ELOVL7: variants seen among roughly 807,000 people sequenced by gnomAD.
ELOVL7 encodes the protein very long chain fatty acid elongase 7.
ELOVL7 carries 27 observed loss-of-function variants against 35.7 expected under a neutral mutation model. The observed-to-expected ratio is 0.76, with a 90% CI of 0.56 to 1.04. The LOEUF is 1.04. Among genes scored for constraint, ELOVL7 ranks in the 50% least tolerant of loss-of-function variants. The probability of loss-of-function intolerance (pLI) is 0.00; values close to 1 mark genes in which losing one functional copy is unlikely to be tolerated. For missense variants in ELOVL7, 327 were observed against 340.8 expected, an observed-to-expected ratio of 0.96 and a Z score of 0.32; for synonymous variants, 113 against 114.6, an observed-to-expected ratio of 0.99 and a Z score of 0.09.
At chr5:60,757,122 C>A (rs962431929) in intron 8 of ELOVL7, among the ~76,000 whole-genome samples, 2 of 152,050 alleles carry the variant, frequency 1.3e-5, no homozygotes, top group Non-Finnish European at 2.9e-5. Context: ...TATAGGTAAG[C>A]ACACAGGAAG....
chr5:60,838,715 A>G (rs1271714790), intron 1 of ELOVL7, among the ~76,000 whole-genome samples: 2 of 152,164 alleles, frequency 1.3e-5, no homozygotes, highest in African/African-American at 4.8e-5. Context: ...TCTCATTTGA[A>G]TAATAGTCTG....
At chr5:60,800,600 A>T (rs1744551032) in intron 1 of ELOVL7, among the ~76,000 whole-genome samples, 1 of 152,194 alleles carries the variant, frequency 6.6e-6, no homozygotes, top group Non-Finnish European at 1.5e-5. Context: ...GTTTGTTTTA[A>T]AAAATAGAAA....
intron 3 of ELOVL7, 133 bp downstream of exon 3, chr5:60,787,201 C>G: frequency 1.5e-6 from 1 of 667,542 alleles, no homozygotes; most frequent in Non-Finnish European, 2.5e-6. Flanking sequence ...TGTGCACTTC[C>G]TCTTCGTTAA....
chr5:60,782,380 C>T (rs1048392289), intron 3 of ELOVL7, among the ~76,000 whole-genome samples: 8 of 152,174 alleles, frequency 5.3e-5, no homozygotes, highest in African/African-American at 1.9e-4. Context: ...CCATATGATC[C>T]TGCAATCTCA....
chr5:60,778,779 C>T (rs1016486717), intron 3 of ELOVL7, among the ~76,000 whole-genome samples: 1 of 152,142 alleles, frequency 6.6e-6, no homozygotes, highest in Non-Finnish European at 1.5e-5. Context: ...CCGAACAATC[C>T]CCAAAAGTCT....
At position 60,754,592 on chromosome 5, in the gene ELOVL7, T is replaced by A. The variant is rs376326564; in HGVS notation, c.*32A>T. On this transcript the variant is annotated 3_prime_UTR_variant, in exon 9 of 9. Transcript: ENST00000508821. ...CTCTTGATTGTCAAGGAAGACAATG[T>A]ATCAGTTTCGATCATAGACTTATGT... 167 of 1,568,642 alleles carry A rather than the reference T, an allele frequency of 1.1e-4. No homozygotes were observed. Among genetic ancestry groups the A allele is most frequent in the Non-Finnish European group, 8.4e-5 (96 of 1,139,184 alleles).
chr5:60,843,902 C>A (rs1747338597), intron 1 of ELOVL7, among the ~76,000 whole-genome samples: 1 of 152,034 alleles, frequency 6.6e-6, no homozygotes, highest in Non-Finnish European at 1.5e-5. Flanking sequence ...CGCGCTCCGG[C>A]GAAAAGGGCC....
rs1038593378 is a variant in ELOVL7 at position 60,754,526 on chromosome 5, A to G, written c.*98T>C. 73 of 1,083,276 alleles carry G rather than the reference A, an allele frequency of 6.7e-5. No individual in the cohort carries two copies. The African/African-American group carries it at 1.0e-3, about 15-fold the overall frequency. 67.1% of individuals were successfully genotyped at this position (1,083,276 alleles called of 1,614,324 possible). A position where few individuals can be genotyped will look rare whatever the true frequency, so the allele number is the denominator to read the frequency against. ...ACTTACCATAAAAATACAAGCTCTT[A>G]GTTTTGAAAAATATACAAAATGCAC... On this transcript the variant is annotated 3_prime_UTR_variant, in exon 9 of 9. Coordinates refer to ENST00000508821, the MANE Select transcript of ELOVL7 (RefSeq NM_024930.3).
At chr5:60,828,332 A>C (rs1746292942) in intron 1 of ELOVL7, among the ~76,000 whole-genome samples, 1 of 150,074 alleles carries the variant, frequency 6.7e-6, no homozygotes, top group African/African-American at 2.4e-5. Flanking sequence ...AGGATTTAGC[A>C]CTTTTCATTA....
intron 1 of ELOVL7, among the ~76,000 whole-genome samples, chr5:60,813,018 C>T (rs1270876043): frequency 6.6e-6 from 1 of 152,150 alleles, no homozygotes; most frequent in East Asian, 1.9e-4. Context: ...ACCTTTCATC[C>T]ATGCCAGAGT....
At chr5:60,797,050 T>C (rs1454463906) in intron 2 of ELOVL7, among the ~76,000 whole-genome samples, 1 of 152,236 alleles carries the variant, frequency 6.6e-6, no homozygotes, top group Non-Finnish European at 1.5e-5. Context: ...ATGTATATAT[T>C]CCAGCAGAAT....
At chr5:60,769,974 C>CT (rs1742479283) in intron 4 of ELOVL7, among the ~76,000 whole-genome samples, 1 of 151,520 alleles carries the variant, frequency 6.6e-6, no homozygotes, top group South Asian at 2.1e-4. Flanking sequence ...TCACTTGAGC[C>CT]TGGGAGGTCA....
chr5:60,822,981 C>A (rs115465030), intron 1 of ELOVL7, among the ~76,000 whole-genome samples: 4 of 152,178 alleles, frequency 2.6e-5, no homozygotes, highest in Non-Finnish European at 4.4e-5. Flanking sequence ...AAGGCTGAAG[C>A]CAAAATGCAA....
chr5:60,803,423 C>T (rs1053573822), intron 1 of ELOVL7, among the ~76,000 whole-genome samples: 1 of 152,192 alleles, frequency 6.6e-6, no homozygotes, highest in African/African-American at 2.4e-5. Context: ...GTGATCTCTA[C>T]CTTTCCTGCT....
chr5:60,767,401 T>G (rs1249039081), intron 5 of ELOVL7, among the ~76,000 whole-genome samples: 1 of 152,202 alleles, frequency 6.6e-6, no homozygotes, highest in East Asian at 1.9e-4. Flanking sequence ...GCCTTGTTTA[T>G]CCATTTATCT....
intron 3 of ELOVL7, among the ~76,000 whole-genome samples, 175 bp from the exon 4 acceptor site, chr5:60,772,268 C>G (rs1742644736): frequency 1.3e-5 from 2 of 152,190 alleles, no homozygotes; most frequent in South Asian, 4.2e-4. Flanking sequence ...AAGGAAGTAT[C>G]CTGGGGCTAG....
chr5:60,757,106 G>T (rs924772089), intron 8 of ELOVL7, among the ~76,000 whole-genome samples: 2 of 151,914 alleles, frequency 1.3e-5, no homozygotes. Flanking sequence ...ATAAATGTTG[G>T]GACTATATAG....
intron 1 of ELOVL7, among the ~76,000 whole-genome samples, chr5:60,814,711 G>A (rs1390991051): frequency 6.6e-6 from 1 of 152,202 alleles, no homozygotes. Context: ...CTAAGCTGTA[G>A]AGGAAGTGTT....
At chr5:60,803,688 A>T (rs1162969255) in intron 1 of ELOVL7, among the ~76,000 whole-genome samples, 2 of 152,152 alleles carry the variant, frequency 1.3e-5, no homozygotes, top group Non-Finnish European at 2.9e-5. Context: ...CCATGAACTC[A>T]TGTTGTTCTG....
Sources: gnomAD v4.1 joint callset for allele counts (sites outside exome capture counted in the v4.1 genomes callset) on GRCh38, gnomAD v4.1.1 for gene constraint, MANE v1.5 for transcripts, NCBI Gene and HGNC (gene_info 2026-07-23, HGNC 2026-07-21) for gene names.